The following PSEN1 variants were observed in gnomAD, a reference collection of about 807,000 sequenced individuals.
PSEN1 encodes the protein presenilin-1.
A neutral mutation model predicts 53.5 loss-of-function variants in PSEN1; 15 were observed. The ratio of observed to expected loss-of-function variants is 0.28; its 90% CI spans 0.19 to 0.43. The LOEUF is 0.43. Among genes scored for constraint, PSEN1 ranks in the 20% least tolerant of loss-of-function variants. The pLI is 1.00. For synonymous variants in PSEN1, 208 were observed against 209.8 expected (o/e 0.99, Z 0.08); for missense variants, 387 against 571.2 (o/e 0.68, Z 3.29).
chr14:73,211,759 T>C lies in PSEN1; in HGVS notation c.956-10T>C. The stretch of plus-strand genomic sequence containing the variant: ...AATATTAGAGCTGTAACTTCCACTT[T>C]CTCTTGAAGGCACAGAAAGGGAGTC... On this transcript the variant is annotated splice_polypyrimidine_tract_variant and intron_variant, in intron 9 of 11. Transcript: ENST00000324501. The C allele has an allele frequency of 6.2e-7, 1 of 1,613,938 alleles. No individual in the cohort carries two copies. The highest frequency in any genetic ancestry group is 8.5e-7 in the Non-Finnish European group (1 of 1,179,898).
intron 3 of PSEN1, among the ~76,000 whole-genome samples, chr14:73,153,078 T>C (rs181101742): frequency 6.6e-6 from 1 of 152,210 alleles, no homozygotes. Flanking sequence ...AAAGCAAACC[T>C]ATGAGCTATT....
rs1171508201 is a variant in PSEN1, at chr14:73,185,433, G to C, written c.481-1420G>C. 3.9e-5 allele frequency among the ~76,000 whole-genome samples: 6 copies of C among 152,326 alleles called. No homozygotes were observed. The East Asian group carries it at 1.2e-3, about 29-fold the overall frequency. On this transcript the variant is annotated intron_variant, in intron 5 of 11. Transcript: ENST00000324501. ...GGCCTGGCCAACACAGCGAAACCCCGTCTCCACCAAAACCAGTCAGGCGTG... is the reference window on the plus strand; with the variant it reads ...GGCCTGGCCAACACAGCGAAACCCCCTCTCCACCAAAACCAGTCAGGCGTG...
rs1415843686 is a variant in PSEN1 at position 73,220,477 on chromosome 14, TG to T, written c.*1190del. ...ATTTGAACAAATAGCCAAAAGCTGG[TG>T]GTTGATGAATTATGAACTAGTTGTA... On this transcript the variant is annotated 3_prime_UTR_variant, in exon 12 of 12. Transcript: ENST00000324501. 1 of 152,530 alleles carries T rather than the reference TG, an allele frequency of 6.6e-6. No individual in the cohort carries two copies. The highest frequency in any genetic ancestry group is 2.4e-5 in the African/African-American group (1 of 41,448). The allele number at this position is 152,530 out of a possible 1,614,324, so 9.4% of individuals were successfully genotyped here.
At chr14:73,180,883 T>G (rs1566634386) in intron 5 of PSEN1, among the ~76,000 whole-genome samples, 1 of 152,262 alleles carries the variant, frequency 6.6e-6, no homozygotes, top group Non-Finnish European at 1.5e-5. Context: ...ATTAGTCTTT[T>G]TTGTCAAGTA....
intron 5 of PSEN1, among the ~76,000 whole-genome samples, chr14:73,182,163 C>A (rs1898237053): frequency 6.6e-6 from 1 of 152,100 alleles, no homozygotes; most frequent in South Asian, 2.1e-4. Flanking sequence ...TTAAGTGTTA[C>A]AAGCATATGT....
Position 73,170,893 on chromosome 14 carries a change from G to C in PSEN1, c.184G>C (p.Val62Leu), listed in dbSNP as rs116314689. Residue 62 changes from valine to leucine, a missense_variant, in exon 4 of 12, where the codon GTG (valine) becomes CTG (leucine). Val to Leu is a conservative substitution (Grantham distance 32). This residue lies in a region of PSEN1 where 99 missense variants were observed against 101.5 expected (regional missense o/e 0.98). Coordinates refer to ENST00000324501, the MANE Select transcript of PSEN1 (RefSeq NM_000021.4). The stretch of plus-strand genomic sequence containing the variant: ...ACGACCCCAGGGTAACTCCCGGCAG[G>C]TGGTGGAGCAAGATGAGGAAGAAGA... Reference protein sequence around the residue: ...NGRPQGNSRQVVEQDEEEDEE... With the variant: ...NGRPQGNSRQLVEQDEEEDEE... 1 of 1,614,218 alleles carries C rather than the reference G, an allele frequency of 6.2e-7. No individual in the cohort carries two copies. The highest frequency in any genetic ancestry group is 8.5e-7 in the Non-Finnish European group (1 of 1,180,024).
At chr14:73,150,697 G>A (rs1897192881) in intron 3 of PSEN1, among the ~76,000 whole-genome samples, 1 of 148,894 alleles carries the variant, frequency 6.7e-6, no homozygotes. Flanking sequence ...CTCTGGAGGT[G>A]GAGGTTGCAG....
In PSEN1 at chr14:73,170,197, C is replaced by G. The variant is rs550162338; in HGVS notation, c.88-600C>G. ...CCATCTTGGTTTTGGTGGGTTTTGG[C>G]CAGCTTCTTTATTGCAACCAGTTTT... On this transcript the variant is annotated intron_variant, in intron 3 of 11. Coordinates refer to ENST00000324501, the MANE Select transcript of PSEN1 (RefSeq NM_000021.4). Among the ~76,000 whole-genome samples, 22 of 152,200 alleles carry G rather than the reference C, an allele frequency of 1.4e-4. No homozygotes were observed. In the East Asian group the frequency reaches 3.9e-3, roughly 27 times the overall value.
intron 3 of PSEN1, 126 bp from the exon 4 acceptor site, chr14:73,170,671 T>C: frequency 1.0e-6 from 1 of 985,698 alleles, no homozygotes. Flanking sequence ...TTCCTGTACA[T>C]TGTTTTTTCT....
chr14:73,164,253 T>C (rs755341146), intron 3 of PSEN1, among the ~76,000 whole-genome samples: 5 of 152,166 alleles, frequency 3.3e-5, no homozygotes, highest in Non-Finnish European at 7.4e-5. Flanking sequence ...AAGCTTAGAA[T>C]AGAGTTCTAG....
Position 73,223,276 on chromosome 14 carries a change from G to A in PSEN1, c.*3987G>A, listed in dbSNP as rs1882680140. ...TGTCTCCCACAGCCTTGGGCAGCAG[G>A]GTGCCTCTTAGTGGATGTGCTGGGT... On this transcript the variant is annotated 3_prime_UTR_variant, in exon 12 of 12. Coordinates refer to ENST00000324501, the MANE Select transcript of PSEN1 (RefSeq NM_000021.4). 1 of 152,258 alleles carries A rather than the reference G, an allele frequency of 6.6e-6. No homozygotes were observed. Among genetic ancestry groups the A allele is most frequent in the South Asian group, 2.1e-4 (1 of 4,834 alleles). 9.4% of individuals were successfully genotyped at this position (152,258 alleles called of 1,614,324 possible).
In PSEN1 at chr14:73,198,059, T is replaced by A. The variant is rs752833058; in HGVS notation, c.798T>A (p.Gly266=). Residue 266 remains glycine, a synonymous_variant, in exon 8 of 12, where the codon GGT becomes GGA. Transcript: ENST00000324501. ...YDLVAVLCPK[G]PLRMLVETAQ... ...TAGTGGCTGTTTTGTGTCCGAAAGG[T>A]CCACTTCGTATGCTGGTTGAAACAG... 8.7e-6 allele frequency: 14 copies of A among 1,611,838 alleles called. No individual in the cohort carries two copies. The highest frequency in any genetic ancestry group is 1.7e-4 in the Middle Eastern group (1 of 6,058).
intron 5 of PSEN1, among the ~76,000 whole-genome samples, chr14:73,184,511 C>T (rs1175550102): frequency 5.7e-5 from 7 of 123,416 alleles, no homozygotes; most frequent in Admixed American, 7.7e-5. Flanking sequence ...GCTGGCCGGG[C>T]GGGGGGCTGA....
chr14:73,181,808 TTGTC>T (rs1314126615), intron 5 of PSEN1, among the ~76,000 whole-genome samples: 16 of 152,264 alleles, frequency 1.1e-4, no homozygotes, highest in African/African-American at 3.6e-4. Flanking sequence ...ATGTCTCACT[TTGTC>T]AGTCAGGCTG....
chr14:73,169,488 G>A (rs1005138072), intron 3 of PSEN1: 2 of 152,060 alleles, frequency 1.3e-5, no homozygotes, highest in African/African-American at 4.8e-5. Flanking sequence ...TTAACTGCCT[G>A]GTTATATCTC....
At chr14:73,152,462 A>G (rs951286212) in intron 3 of PSEN1, among the ~76,000 whole-genome samples, 13 of 150,784 alleles carry the variant, frequency 8.6e-5, no homozygotes, top group South Asian at 4.2e-4. Flanking sequence ...AAAAAAGTCA[A>G]TGGGTGTGGT....
Position 73,189,874 on chromosome 14 carries a change from C to T in PSEN1, c.549-2770C>T, listed in dbSNP as rs1898652327. On this transcript the variant is annotated intron_variant, in intron 6 of 11. Transcript: ENST00000324501. ...CTTCCAAGAAGCCCTTGACCTTTAC[C>T]ATGTGTTGGTCTCCCTTGACCGGGT... 4 of 220,866 alleles carry T rather than the reference C, an allele frequency of 1.8e-5. No homozygotes were observed. The South Asian group carries it at 1.9e-4, about 10-fold the overall frequency. The allele number at this position is 220,866 out of a possible 1,614,324, so 13.7% of individuals were successfully genotyped here. A position where few individuals can be genotyped will look rare whatever the true frequency, so the allele number is the denominator to read the frequency against.
intron 10 of PSEN1, among the ~76,000 whole-genome samples, chr14:73,212,512 G>C (rs114467135): frequency 0.022 from 3,402 of 152,176 alleles, 131 homozygotes; most frequent in African/African-American, 0.075. Context: ...AGCCTTCATG[G>C]CCGTAATACA....
Position 73,145,832 on chromosome 14 carries a change from C to T in PSEN1, c.-135-1963C>T, listed in dbSNP as rs576988530. ...TTAAAAGACAGGAACAGGGCTGGTT[C>T]GTGGTGGCTCACACCTGTAATCCTA... On this transcript the variant is annotated intron_variant, in intron 1 of 11. Coordinates refer to ENST00000324501, the MANE Select transcript of PSEN1 (RefSeq NM_000021.4). 5.9e-5 allele frequency among the ~76,000 whole-genome samples: 9 copies of T among 152,190 alleles called. No homozygotes were observed. In the East Asian group the frequency reaches 1.7e-3, roughly 29 times the overall value.
Sources: allele counts gnomAD v4.1 joint callset (sites outside exome capture counted in the v4.1 genomes callset), GRCh38; gene constraint gnomAD v4.1.1; regional missense constraint gnomAD v4.1.1; transcripts MANE v1.5; gene names NCBI Gene and HGNC (gene_info 2026-07-23, HGNC 2026-07-21).